UGT2A2: variants seen among roughly 807,000 people sequenced by gnomAD.
UGT2A2 encodes the protein UDP glucuronosyltransferase family 2 member A2.
In UGT2A2, 60 loss-of-function variants were observed where a neutral mutation model predicts 50.7. The ratio of observed to expected loss-of-function variants is 1.18; its 90% CI spans 0.96 to 1.47. UGT2A2 has a LOEUF of 1.47. Ranked by LOEUF, UGT2A2 falls within the 40% of genes most tolerant of loss-of-function variation. The pLI is 0.00. For synonymous variants in UGT2A2, 242 were observed against 214.6 expected (o/e 1.13, Z -1.11); for missense variants, 762 against 634.0 (o/e 1.20, Z -2.17).
chr4:69,608,649 A>G (rs555779015), intron 1 of UGT2A2, among the ~76,000 whole-genome samples: 221 of 152,258 alleles, frequency 1.5e-3, no homozygotes, highest in Middle Eastern at 6.8e-3. Flanking sequence ...AAAAATGCAA[A>G]GAAATGGACT....
chr4:69,594,605 G>T lies in UGT2A2; in HGVS notation c.1203C>A (p.Pro401=). The T allele has an allele frequency of 6.2e-7, 1 of 1,614,106 alleles. No homozygotes were observed. The highest frequency in any genetic ancestry group is 8.5e-7 in the Non-Finnish European group (1 of 1,180,022). ...TGTTATCAGGCTGATCAGCAAACAT[G>T]GGAACTCCCACCATAGGGACTCCGT... is the stretch of plus-strand genomic sequence containing the variant. ...IYHGVPMVGV[P]MFADQPDNIA... Residue 401 remains proline (P), a synonymous_variant, in exon 5 of 6, where the codon CCC becomes CCA. Coordinates refer to ENST00000604629, the MANE Select transcript of UGT2A2 (RefSeq NM_001105677.2).
At chr4:69,607,905 A>C (rs1201352677) in intron 1 of UGT2A2, among the ~76,000 whole-genome samples, 10 of 152,208 alleles carry the variant, frequency 6.6e-5, no homozygotes, top group African/African-American at 2.4e-4. Flanking sequence ...GCGATCATTA[A>C]AAAGTCAGGA....
rs1305628982 is a variant in UGT2A2 at position 69,606,944 on chromosome 4, C to T, written c.743-7550G>A. 1.1e-4 allele frequency among the ~76,000 whole-genome samples: 15 copies of T among 136,472 alleles called. 3 individuals carry two copies. Among genetic ancestry groups the T allele is most frequent in the African/African-American group, 2.1e-4 (7 of 33,632 alleles). 89.5% of individuals were successfully genotyped at this position (136,472 alleles called of 152,430 possible). ...GGATACAAACAAATGGAAGAACATT[C>T]CATGCTCATGGGTAGGAAGAATCAA... On this transcript the variant is annotated intron_variant, in intron 1 of 5. Transcript: ENST00000604629.
intron 1 of UGT2A2, among the ~76,000 whole-genome samples, chr4:69,627,960 C>A (rs115568161): frequency 9.0e-4 from 137 of 151,916 alleles, no homozygotes; most frequent in African/African-American, 3.0e-3. Flanking sequence ...ACTTCCATTC[C>A]ACAGATTGCC....
At chr4:69,593,254 T>C (rs1171946769) in intron 5 of UGT2A2, among the ~76,000 whole-genome samples, 1 of 151,848 alleles carries the variant, frequency 6.6e-6, no homozygotes, top group African/African-American at 2.4e-5. Flanking sequence ...GAATAAATAA[T>C]CTCTAATTCA....
At chr4:69,590,705 TTC>T (rs1385044277) in intron 5 of UGT2A2, among the ~76,000 whole-genome samples, 1 of 152,002 alleles carries the variant, frequency 6.6e-6, no homozygotes, top group Non-Finnish European at 1.5e-5. Flanking sequence ...AGTAAGTAAT[TTC>T]ACATGGATCA....
intron 1 of UGT2A2, among the ~76,000 whole-genome samples, chr4:69,608,114 T>G (rs1719776677): frequency 6.6e-6 from 1 of 152,154 alleles, no homozygotes; most frequent in Non-Finnish European, 1.5e-5. Flanking sequence ...TAAAGACCCA[T>G]GCACACGTAT....
rs1719602994 is a variant in UGT2A2, at chr4:69,606,215, C to T, written c.743-6821G>A. 1.5e-5 allele frequency among the ~76,000 whole-genome samples: 2 copies of T among 136,152 alleles called. 1 individual carries two copies. Among genetic ancestry groups the T allele is most frequent in the South Asian group, 4.9e-4 (2 of 4,078 alleles). The allele number at this position is 136,152 out of a possible 152,430, so 89.3% of individuals were successfully genotyped here. The stretch of plus-strand genomic sequence containing the variant: ...CCAAATCCAGCGGCACATCAAAAAG[C>T]TTACCCACCATGATCAAGTGGGCTT... On this transcript the variant is annotated intron_variant, in intron 1 of 5. Transcript: ENST00000604629.
chr4:69,639,100 T>C lies in UGT2A2; in HGVS notation c.541A>G (p.Arg181Gly). 2 of 1,613,540 alleles carry C rather than the reference T, an allele frequency of 1.2e-6. No homozygotes were observed. The highest frequency in any genetic ancestry group is 1.7e-5 in the Admixed American group (1 of 59,924). ...KLGIPFMYTL[R>G]FSPASTVERH... is the part of the protein sequence containing the mutation. ...TCCACTGTTGATGCTGGAGAGAACC[T>C]CAATGTGTACATAAATGGAATTCCT... Residue 181 changes from arginine (R) to glycine (G), a missense_variant, in exon 1 of 6, where the codon AGG (arginine) becomes GGG (glycine). By Grantham distance (125) the Arg-to-Gly change is moderately radical. Transcript: ENST00000604629.
intron 5 of UGT2A2, among the ~76,000 whole-genome samples, chr4:69,590,217 T>C (rs113369926): frequency 1.3e-5 from 2 of 152,308 alleles, no homozygotes; most frequent in African/African-American, 4.8e-5. Context: ...AAAAATACTC[T>C]GGTGATTTAA....
rs547292090 is a variant in UGT2A2, at chr4:69,627,852, A to T, written c.742+11047T>A. On this transcript the variant is annotated intron_variant, in intron 1 of 5. Coordinates refer to ENST00000604629, the MANE Select transcript of UGT2A2 (RefSeq NM_001105677.2). ...TAGAAAATTTATAAATGTCATAGAC[A>T]ATATTACAGGTTAAAAGAGAATGGA... 3.9e-5 allele frequency among the ~76,000 whole-genome samples: 6 copies of T among 152,110 alleles called. No homozygotes were observed. In the South Asian group the frequency reaches 1.2e-3, roughly 32 times the overall value.
At chr4:69,604,716 A>T (rs1178269570) in intron 1 of UGT2A2, among the ~76,000 whole-genome samples, 1 of 136,784 alleles carries the variant, frequency 7.3e-6, no homozygotes, top group Non-Finnish European at 1.6e-5. Context: ...AAATAAAGTG[A>T]TGGAGGAAGA....
chr4:69,621,668 T>C (rs1326791835), intron 1 of UGT2A2, among the ~76,000 whole-genome samples: 1 of 151,936 alleles, frequency 6.6e-6, no homozygotes, highest in Non-Finnish European at 1.5e-5. Flanking sequence ...CCGAAAGGAA[T>C]ATAAATCATT....
At position 69,594,582 on chromosome 4, in the gene UGT2A2, T is replaced by G. The variant is rs750143267; in HGVS notation, c.1226A>C (p.Asn409Thr). ...GVPMFADQPD[N>T]IAHMKAKGAA... ...TCCTTTGGCCTTCATGTGAGCAATG[T>G]TATCAGGCTGATCAGCAAACATGGG... Residue 409 changes from asparagine (N) to threonine (T), a missense_variant, in exon 5 of 6, where the codon AAC (asparagine) becomes ACC (threonine). By Grantham distance (65) the Asn-to-Thr change is moderately conservative. Coordinates refer to ENST00000604629, the MANE Select transcript of UGT2A2 (RefSeq NM_001105677.2). The G allele has an allele frequency of 2.5e-6, 4 of 1,614,146 alleles. No homozygotes were observed. The East Asian group carries it at 8.9e-5, about 36-fold the overall frequency.
chr4:69,596,562 G>A (rs771767767), intron 2 of UGT2A2, among the ~76,000 whole-genome samples, 181 bp from the exon 3 acceptor site: 21 of 152,078 alleles, frequency 1.4e-4, no homozygotes, highest in Admixed American at 5.2e-4. Context: ...TCGCTCTGTC[G>A]CCCAGGCTGG....
chr4:69,639,288 T>C lies in UGT2A2; in HGVS notation c.353A>G (p.Lys118Arg), dbSNP rs759731913. ...PTPLTIWAFYKELGKLLDTFF... is the reference protein window; with the variant it reads ...PTPLTIWAFYRELGKLLDTFF... ...AGTGTCTAGAAGTTTTCCTAGTTCT[T>C]TGTAGAAAGCCCATATTGTGAGAGG... Residue 118 changes from lysine to arginine, a missense_variant, in exon 1 of 6, where the codon AAA becomes AGA. Coordinates refer to ENST00000604629, the MANE Select transcript of UGT2A2 (RefSeq NM_001105677.2). The C allele has an allele frequency of 1.9e-6, 3 of 1,613,732 alleles. No individual in the cohort carries two copies. Among genetic ancestry groups the C allele is most frequent in the African/African-American group, 2.7e-5 (2 of 75,026 alleles).
Position 69,613,163 on chromosome 4 carries a change from C to T in UGT2A2, c.743-13769G>A, listed in dbSNP as rs541975743. Among the ~76,000 whole-genome samples the T allele has an allele frequency of 3.3e-5, 5 of 151,954 alleles. No homozygotes were observed. The East Asian group carries it at 9.7e-4, about 29-fold the overall frequency. Reference sequence around the variant, plus strand: ...CACTAATCATCAGAGAAATGTGAATCAAAATCATAATGATATATAAAACAG... The same window carrying T: ...CACTAATCATCAGAGAAATGTGAATTAAAATCATAATGATATATAAAACAG... On this transcript the variant is annotated intron_variant, in intron 1 of 5. Coordinates refer to ENST00000604629, the MANE Select transcript of UGT2A2 (RefSeq NM_001105677.2).
rs1220653086 is a variant in UGT2A2 at position 69,602,418 on chromosome 4, G to A, written c.743-3024C>T. The stretch of plus-strand genomic sequence containing the variant: ...TTTAATTCAACAATACTTTACTGCA[G>A]TTAAACAAGAAAAACAATTTTTAGA... On this transcript the variant is annotated intron_variant, in intron 1 of 5. Coordinates refer to ENST00000604629, the MANE Select transcript of UGT2A2 (RefSeq NM_001105677.2). 2.2e-5 allele frequency among the ~76,000 whole-genome samples: 3 copies of A among 133,334 alleles called. 1 individual carries two copies. Among genetic ancestry groups the A allele is most frequent in the Non-Finnish European group, 4.8e-5 (3 of 62,824 alleles). The allele number at this position is 133,334 out of a possible 152,430, so 87.5% of individuals were successfully genotyped here.
intron 1 of UGT2A2, among the ~76,000 whole-genome samples, chr4:69,601,270 T>A (rs1364974727): frequency 1.3e-5 from 2 of 152,082 alleles, no homozygotes; most frequent in Non-Finnish European, 1.5e-5. Flanking sequence ...CATGCCTACA[T>A]AGGGGGAGCC....
Sources: gnomAD v4.1 joint callset for allele counts (sites outside exome capture counted in the v4.1 genomes callset) on GRCh38, gnomAD v4.1.1 for gene constraint, MANE v1.5 for transcripts, NCBI Gene and HGNC (gene_info 2026-07-23, HGNC 2026-07-21) for gene names.